The following FARP1 variants were observed in gnomAD, a reference collection of about 807,000 sequenced individuals.
FARP1 encodes FERM, ARH/RhoGEF and pleckstrin domain protein 1, also known as FERM, ARHGEF and pleckstrin domain-containing protein 1.
FARP1 carries 52 observed loss-of-function variants against 128.8 expected under a neutral mutation model. That is an observed-to-expected ratio of 0.40 (90% confidence interval 0.32 to 0.51). The LOEUF is 0.51. Ranked by LOEUF, FARP1 falls within the 20% of genes least tolerant of loss-of-function variation. The pLI is 0.45. For synonymous variants in FARP1, 580 were observed against 551.8 expected (o/e 1.05, Z -0.72); for missense variants, 1,333 against 1,367.9 (o/e 0.97, Z 0.40).
At chr13:98,148,979 T>C (rs1193831404) in intron 1 of FARP1, among the ~76,000 whole-genome samples, 2 of 152,018 alleles carry the variant, frequency 1.3e-5, no homozygotes, top group African/African-American at 2.4e-5. Flanking sequence ...CTCAACTTCC[T>C]GGGCTCAAGT....
chr13:98,343,596 C>T (rs189490779), intron 2 of FARP1, among the ~76,000 whole-genome samples, 166 bp from the exon 3 acceptor site: 16 of 152,162 alleles, frequency 1.1e-4, no homozygotes, highest in Admixed American at 2.6e-4. Context: ...TGCTGGGATA[C>T]GGAGGTGTAG....
chr13:98,370,406 C>T (rs145781544), intron 5 of FARP1, among the ~76,000 whole-genome samples: 3 of 152,042 alleles, frequency 2.0e-5, no homozygotes, highest in Admixed American at 6.5e-5. Flanking sequence ...TGTGAGGAGG[C>T]GGTCACATGG....
chr13:98,423,404 G>A (rs1351838311), intron 16 of FARP1, among the ~76,000 whole-genome samples: 1 of 152,058 alleles, frequency 6.6e-6, no homozygotes, highest in Non-Finnish European at 1.5e-5. Flanking sequence ...TAGAAGCCTA[G>A]TGCCAGTTTT....
At chr13:98,288,901 C>G (rs1885320574) in intron 2 of FARP1, among the ~76,000 whole-genome samples, 1 of 148,864 alleles carries the variant, frequency 6.7e-6, no homozygotes, top group African/African-American at 2.5e-5. Context: ...TCTCAAATGT[C>G]TTAATTGTGC....
chr13:98,369,806 C>A (rs1889253368), intron 5 of FARP1, among the ~76,000 whole-genome samples: 1 of 152,146 alleles, frequency 6.6e-6, no homozygotes. Flanking sequence ...TCTTGTCATA[C>A]ATGGTGTTCA....
At chr13:98,447,998 G>A in intron 26 of FARP1, 1 of 566,018 alleles carries the variant, frequency 1.8e-6, no homozygotes, top group Non-Finnish European at 3.2e-6. Context: ...AATGGAGCGG[G>A]CAGTGTCACT....
chr13:98,388,557 G>C (rs1198604382), intron 9 of FARP1, 79 bp downstream of exon 9: 1 of 1,102,290 alleles, frequency 9.1e-7, no homozygotes, highest in East Asian at 2.4e-5. Flanking sequence ...GGTCTGCTTG[G>C]CAGGGCTTCT....
chr13:98,421,090 G>A (rs1891575976), intron 16 of FARP1, among the ~76,000 whole-genome samples: 1 of 152,172 alleles, frequency 6.6e-6, no homozygotes, highest in East Asian at 1.9e-4. Flanking sequence ...TCACCACATC[G>A]CGTAGAGCTG....
chr13:98,365,934 A>G (rs1889064690), intron 4 of FARP1, among the ~76,000 whole-genome samples: 1 of 147,614 alleles, frequency 6.8e-6, no homozygotes, highest in Non-Finnish European at 1.5e-5. Context: ...AGTAGCAAGC[A>G]GAGCCCTGAA....
At chr13:98,405,728 G>A (rs1311718422) in intron 13 of FARP1, 1 of 152,140 alleles carries the variant, frequency 6.6e-6, no homozygotes, top group Non-Finnish European at 1.5e-5. Flanking sequence ...TTAATAGCAG[G>A]TGCTTCCTCT....
chr13:98,154,768 C>T (rs565821385), intron 1 of FARP1, among the ~76,000 whole-genome samples: 1 of 152,256 alleles, frequency 6.6e-6, no homozygotes, highest in South Asian at 2.1e-4. Flanking sequence ...TAGGGCATGC[C>T]TTCATTATCT....
chr13:98,187,213 C>T (rs2139222056), intron 1 of FARP1, among the ~76,000 whole-genome samples: 1 of 152,158 alleles, frequency 6.6e-6, no homozygotes, highest in Admixed American at 6.5e-5. Flanking sequence ...AAAATGATTG[C>T]ACTGACTTAT....
At chr13:98,157,490 G>A (rs1182571275) in intron 1 of FARP1, among the ~76,000 whole-genome samples, 2 of 152,050 alleles carry the variant, frequency 1.3e-5, no homozygotes, top group Non-Finnish European at 2.9e-5. Context: ...TAAGGCTAAC[G>A]TCTCCTCCCG....
intron 2 of FARP1, chr13:98,332,746 A>G (rs1887564802): frequency 6.6e-6 from 1 of 152,262 alleles, no homozygotes; most frequent in South Asian, 2.1e-4. Context: ...GTCTGTAAAC[A>G]GAATAATTTT....
At chr13:98,360,089 G>GC (rs1317606652) in intron 3 of FARP1, among the ~76,000 whole-genome samples, 2 of 126,552 alleles carry the variant, frequency 1.6e-5, no homozygotes, top group East Asian at 4.3e-4. Flanking sequence ...AGATTGTGTT[G>GC]CTTTTTTTTT....
chr13:98,246,114 T>G (rs1423385613), intron 2 of FARP1, among the ~76,000 whole-genome samples: 1 of 40,014 alleles, frequency 2.5e-5, no homozygotes, highest in African/African-American at 8.7e-5. Context: ...TTTTTTTTTT[T>G]GAGACGGAGT....
intron 2 of FARP1, among the ~76,000 whole-genome samples, chr13:98,237,400 T>C (rs1882486015): frequency 6.6e-6 from 1 of 152,144 alleles, no homozygotes; most frequent in South Asian, 2.1e-4. Flanking sequence ...TAAACAAATG[T>C]AAAGATGCAG....
At chr13:98,202,357 A>C (rs1223713829) in intron 1 of FARP1, among the ~76,000 whole-genome samples, 1 of 152,086 alleles carries the variant, frequency 6.6e-6, no homozygotes, top group Non-Finnish European at 1.5e-5. Context: ...GCACATCCAC[A>C]CTTCTTTGCT....
In FARP1 at chr13:98,449,337, A is replaced by T. The variant is rs917300249; in HGVS notation, c.*1020A>T. 1.3e-5 allele frequency: 2 copies of T among 152,126 alleles called. No individual in the cohort carries two copies. Among genetic ancestry groups the T allele is most frequent in the Admixed American group, 1.3e-4 (2 of 15,282 alleles). 9.4% of individuals were successfully genotyped at this position (152,126 alleles called of 1,614,324 possible). ...TGTCTTCAAAAACATTTCCCTTTTT[A>T]TACTCATTCCCCCCAGGCATGGGGT... On this transcript the variant is annotated 3_prime_UTR_variant, in exon 27 of 27. Coordinates refer to ENST00000319562, the MANE Select transcript of FARP1 (RefSeq NM_005766.4).
Sources: allele counts gnomAD v4.1 joint callset (sites outside exome capture counted in the v4.1 genomes callset), GRCh38; gene constraint gnomAD v4.1.1; transcripts MANE v1.5; gene names NCBI Gene and HGNC (gene_info 2026-07-23, HGNC 2026-07-21).